The following MGAT4C variants were observed in gnomAD, a reference collection of about 807,000 sequenced individuals.
The protein encoded by MGAT4C is alpha-1,3-mannosyl-glycoprotein 4-beta-N-acetylglucosaminyltransferase C.
Under a neutral mutation model 40.1 loss-of-function variants are expected in MGAT4C, and 19 were observed. That is an observed-to-expected ratio of 0.47 (90% confidence interval 0.33 to 0.70). The LOEUF (loss-of-function observed/expected upper bound fraction) is 0.70, where lower values mean the gene tolerates loss of function less well. MGAT4C is among the 30% of genes least tolerant of loss of function. The pLI is 0.02. For missense variants in MGAT4C, 491 were observed against 563.2 expected (o/e 0.87, Z 1.30); for synonymous variants, 181 against 187.1 (o/e 0.97, Z 0.27).
Position 86,262,651 on chromosome 12 carries a change from G to C in MGAT4C, c.-57+71414C>G, listed in dbSNP as rs531154498. Reference sequence around the variant, plus strand: ...CTTAGGCATATGATTCATTTTTAGAGTACATTCATATATAGATATTCTAGT... The same window carrying C: ...CTTAGGCATATGATTCATTTTTAGACTACATTCATATATAGATATTCTAGT... On this transcript the variant is annotated intron_variant, in intron 4 of 7. Transcript: ENST00000548651. 3.3e-5 allele frequency among the ~76,000 whole-genome samples: 5 copies of C among 152,052 alleles called. No individual in the cohort carries two copies. The South Asian group carries it at 8.3e-4, about 25-fold the overall frequency.
chr12:86,566,684 GTA>G (rs1176622042), intron 2 of MGAT4C, among the ~76,000 whole-genome samples: 1 of 142,500 alleles, frequency 7.0e-6, no homozygotes, highest in Non-Finnish European at 1.5e-5. Flanking sequence ...ATACATATAT[GTA>G]TATATTATAT....
intron 4 of MGAT4C, among the ~76,000 whole-genome samples, chr12:86,322,653 T>C (rs1193064642): frequency 6.6e-6 from 1 of 152,114 alleles, no homozygotes; most frequent in East Asian, 1.9e-4. Flanking sequence ...TACTTTGTTA[T>C]AATTCATTGA....
At chr12:86,523,680 T>C (rs1280154980) in intron 2 of MGAT4C, among the ~76,000 whole-genome samples, 1 of 152,122 alleles carries the variant, frequency 6.6e-6, no homozygotes, top group East Asian at 1.9e-4. Flanking sequence ...ATTCTGTCAG[T>C]GGGGTTGTAA....
intron 1 of MGAT4C, among the ~76,000 whole-genome samples, chr12:86,791,231 A>G (rs984195084): frequency 1.3e-5 from 2 of 152,138 alleles, no homozygotes; most frequent in African/African-American, 4.8e-5. Context: ...AGTCAGAAAG[A>G]ACAAGTATCC....
intron 2 of MGAT4C, among the ~76,000 whole-genome samples, chr12:86,443,991 C>T (rs569425974): frequency 2.0e-5 from 3 of 152,262 alleles, no homozygotes; most frequent in East Asian, 1.9e-4. Flanking sequence ...TCATCCTCAT[C>T]GGTGTTTAAT....
chr12:86,288,180 C>T (rs1053761506), intron 4 of MGAT4C, among the ~76,000 whole-genome samples: 5 of 152,146 alleles, frequency 3.3e-5, no homozygotes, highest in African/African-American at 9.7e-5. Flanking sequence ...ATCCTTTGCC[C>T]ACTTTTTAAT....
At chr12:86,734,686 C>T (rs972715347) in intron 1 of MGAT4C, among the ~76,000 whole-genome samples, 3 of 152,002 alleles carry the variant, frequency 2.0e-5, no homozygotes, top group Non-Finnish European at 4.4e-5. Flanking sequence ...GGAGGAGTGC[C>T]CTCACCGCAA....
chr12:86,769,439 T>C (rs1350453133), intron 1 of MGAT4C, among the ~76,000 whole-genome samples: 1 of 152,130 alleles, frequency 6.6e-6, no homozygotes, highest in East Asian at 1.9e-4. Flanking sequence ...AGTTCAACCA[T>C]TGTGGAAGTC....
At chr12:86,315,882 C>G (rs777646400) in intron 4 of MGAT4C, among the ~76,000 whole-genome samples, 2 of 151,186 alleles carry the variant, frequency 1.3e-5, no homozygotes, top group Non-Finnish European at 2.9e-5. Context: ...CTCTGCACAG[C>G]AAAAGAAACG....
chr12:86,473,490 T>C (rs1957785095), intron 2 of MGAT4C, among the ~76,000 whole-genome samples: 1 of 152,152 alleles, frequency 6.6e-6, no homozygotes, highest in African/African-American at 2.4e-5. Context: ...CAGAGATTGA[T>C]GGAGAAAACA....
intron 1 of MGAT4C, among the ~76,000 whole-genome samples, chr12:86,729,013 ACT>A (rs1239716517): frequency 6.6e-6 from 1 of 152,156 alleles, no homozygotes; most frequent in African/African-American, 2.4e-5. Context: ...CTTAACTATA[ACT>A]CTTGATTATT....
At chr12:86,787,523 T>C (rs1211817602) in intron 1 of MGAT4C, among the ~76,000 whole-genome samples, 1 of 150,730 alleles carries the variant, frequency 6.6e-6, no homozygotes, top group East Asian at 1.9e-4. Context: ...AAAAAAAAAG[T>C]CCAACATCAC....
intron 1 of MGAT4C, among the ~76,000 whole-genome samples, chr12:86,248,891 C>G (rs1264873343): frequency 6.6e-6 from 1 of 152,112 alleles, no homozygotes; most frequent in African/African-American, 2.4e-5. Context: ...GTGTTATGCT[C>G]TGTTCCCATG....
At chr12:86,773,688 CTT>C (rs1427161954) in intron 1 of MGAT4C, among the ~76,000 whole-genome samples, 5 of 151,830 alleles carry the variant, frequency 3.3e-5, no homozygotes, top group Admixed American at 6.6e-5. Context: ...ATTCATATCT[CTT>C]AACTATTTAT....
intron 1 of MGAT4C, among the ~76,000 whole-genome samples, chr12:86,096,489 G>T (rs565913741): frequency 4.8e-4 from 62 of 128,218 alleles, no homozygotes; most frequent in South Asian, 1.6e-3. Flanking sequence ...TATCTTAATT[G>T]GTTGTCTGTT....
intron 1 of MGAT4C, among the ~76,000 whole-genome samples, chr12:86,091,362 G>T (rs1368142311): frequency 6.6e-6 from 1 of 151,994 alleles, no homozygotes; most frequent in Non-Finnish European, 1.5e-5. Context: ...ACTGGCCTCA[G>T]ATATTAACAT....
chr12:86,416,038 A>G (rs1308979961), intron 3 of MGAT4C, among the ~76,000 whole-genome samples: 1 of 152,092 alleles, frequency 6.6e-6, no homozygotes, highest in East Asian at 1.9e-4. Flanking sequence ...TATATAAAAT[A>G]CATTTCGAAC....
chr12:86,307,324 A>G (rs1052472063), intron 4 of MGAT4C, among the ~76,000 whole-genome samples: 2 of 150,342 alleles, frequency 1.3e-5, no homozygotes, highest in Non-Finnish European at 2.9e-5. Context: ...AAAATAAACT[A>G]TTTATTTCTA....
At chr12:86,687,321 C>T (rs10858462) in intron 2 of MGAT4C, among the ~76,000 whole-genome samples, 118,852 of 151,982 alleles carry the variant, frequency 0.78, 47,686 homozygotes, top group Middle Eastern at 0.88. Flanking sequence ...AAGGGTTTTT[C>T]GTGTCTCTAT....
Sources: gnomAD v4.1 joint callset for allele counts (sites outside exome capture counted in the v4.1 genomes callset) on GRCh38, gnomAD v4.1.1 for gene constraint, MANE v1.5 for transcripts, NCBI Gene and HGNC (gene_info 2026-07-23, HGNC 2026-07-21) for gene names.